The following OSBPL9 variants were observed in gnomAD, a reference collection of about 807,000 sequenced individuals.
OSBPL9 encodes the protein oxysterol-binding protein-related protein 9.
A neutral mutation model predicts 106.6 loss-of-function variants in OSBPL9; 40 were observed. That is an observed-to-expected ratio of 0.38 (90% CI 0.29 to 0.49). The LOEUF is 0.49. Among genes scored for constraint, OSBPL9 ranks in the 20% least tolerant of loss-of-function variants. The pLI, the probability that OSBPL9 is intolerant of heterozygous loss-of-function variation, is 0.97. For synonymous variants in OSBPL9, 269 were observed against 295.4 expected (o/e 0.91, Z 0.92); for missense variants, 609 against 887.2 (o/e 0.69, Z 3.98).
chr1:51,712,267 C>A (rs1370465847), intron 3 of OSBPL9, among the ~76,000 whole-genome samples: 1 of 152,328 alleles, frequency 6.6e-6, no homozygotes, highest in East Asian at 1.9e-4. Flanking sequence ...TCAGGCGTGG[C>A]GGCGCGCGCC....
intron 4 of OSBPL9, among the ~76,000 whole-genome samples, chr1:51,740,897 C>T (rs1306730006): frequency 6.6e-6 from 1 of 152,134 alleles, no homozygotes; most frequent in African/African-American, 2.4e-5. Context: ...TCCTACTCTG[C>T]CTCAGGAATT....
chr1:51,617,338 A>C, intron 1 of OSBPL9, 117 bp downstream of exon 1: 9 of 1,027,768 alleles, frequency 8.8e-6, no homozygotes, highest in Non-Finnish European at 1.2e-5. Context: ...GTGCCGCCGT[A>C]CGCGAGGGTT....
intron 1 of OSBPL9, among the ~76,000 whole-genome samples, chr1:51,580,954 A>C (rs200036106): frequency 6.4e-4 from 2 of 3,124 alleles, no homozygotes; most frequent in South Asian, 0.01. Flanking sequence ...ATATATATAT[A>C]ACTTTTTTGA....
In OSBPL9 at chr1:51,788,681, C is replaced by G. The variant is rs57754968; in HGVS notation, c.*892C>G. ...ATATTGCACATGTAGGGCTGCCTAC[C>G]AACATTTTATCCAAAAATGTTTTAT... On this transcript the variant is annotated 3_prime_UTR_variant, in exon 24 of 24. Coordinates refer to ENST00000428468, the MANE Select transcript of OSBPL9 (RefSeq NM_024586.6). 7.1e-3 allele frequency among the ~76,000 whole-genome samples: 1,084 copies of G among 152,114 alleles called. 10 individuals carry two copies. The highest frequency in any genetic ancestry group is 0.025 in the African/African-American group (1,042 of 41,494).
the OSBPL9 span, among the ~76,000 whole-genome samples, chr1:51,562,637 T>C: frequency 1.3e-5 from 2 of 152,206 alleles, no homozygotes; most frequent in African/African-American, 4.8e-5. Context: ...TTCCCCTTGC[T>C]ACCCAGAGGA....
chr1:51,758,529 G>T (rs781134531), intron 9 of OSBPL9, among the ~76,000 whole-genome samples: 2 of 151,822 alleles, frequency 1.3e-5, no homozygotes, highest in Admixed American at 6.6e-5. Flanking sequence ...GGTCTAATCT[G>T]TTGGGCCCTA....
chr1:51,559,493 C>A, the OSBPL9 span, among the ~76,000 whole-genome samples: 19 of 151,542 alleles, frequency 1.3e-4, no homozygotes, highest in Non-Finnish European at 1.0e-4. Context: ...AGAGACAATG[C>A]TGGAGTTTTA....
intron 4 of OSBPL9, among the ~76,000 whole-genome samples, chr1:51,737,803 G>T (rs1256652427): frequency 6.6e-6 from 1 of 151,918 alleles, no homozygotes; most frequent in East Asian, 1.9e-4. Flanking sequence ...AAGGCAATTT[G>T]CTGGATTCTG....
upstream of OSBPL9, among the ~76,000 whole-genome samples, chr1:51,616,027 T>TTTTG (rs1292732346): frequency 9.7e-4 from 143 of 147,390 alleles, no homozygotes; most frequent in African/African-American, 3.4e-3. Flanking sequence ...TTTTTTTTTT[T>TTTTG]TGTGTGAGAG....
At chr1:51,581,141 C>G (rs916334012) in intron 1 of OSBPL9, among the ~76,000 whole-genome samples, 1 of 150,032 alleles carries the variant, frequency 6.7e-6, no homozygotes. Context: ...CCCAGGTTGG[C>G]CTCAAACTCC....
chr1:51,628,549 A>G (rs574913414), intron 1 of OSBPL9, among the ~76,000 whole-genome samples: 1 of 151,794 alleles, frequency 6.6e-6, no homozygotes, highest in African/African-American at 2.4e-5. Context: ...GCGCCACTGC[A>G]CCCCAGCCTG....
intron 1 of OSBPL9, among the ~76,000 whole-genome samples, chr1:51,634,054 G>A (rs150991979): frequency 6.6e-6 from 1 of 152,206 alleles, no homozygotes; most frequent in Non-Finnish European, 1.5e-5. Flanking sequence ...CTTGGAATTA[G>A]GACTAAGCAT....
chr1:51,760,577 C>T (rs1571603301), intron 9 of OSBPL9, 113 bp from the exon 10 acceptor site: 1 of 1,466,966 alleles, frequency 6.8e-7, no homozygotes, highest in East Asian at 2.4e-5. Context: ...TTTTGATCAA[C>T]ATATCTATAT....
intron 1 of OSBPL9, among the ~76,000 whole-genome samples, chr1:51,636,149 CTT>C (rs1320814022): frequency 8.7e-5 from 10 of 114,786 alleles, no homozygotes; most frequent in Admixed American, 7.4e-4. Flanking sequence ...CTCTCTCTCT[CTT>C]GTTTTTTTTT....
intron 1 of OSBPL9, among the ~76,000 whole-genome samples, chr1:51,584,930 G>A (rs1645239512): frequency 6.6e-6 from 1 of 152,056 alleles, no homozygotes. Flanking sequence ...GGGCATTTGG[G>A]GTTAGATGAG....
upstream of OSBPL9, among the ~76,000 whole-genome samples, chr1:51,573,585 G>A (rs985593169): frequency 1.3e-5 from 2 of 150,532 alleles, no homozygotes; most frequent in Non-Finnish European, 2.9e-5. Context: ...GGAGGCTAAG[G>A]CGGGCAGATC....
chr1:51,632,650 A>G (rs551802954), intron 1 of OSBPL9, among the ~76,000 whole-genome samples: 1 of 118,392 alleles, frequency 8.4e-6, no homozygotes, highest in East Asian at 2.0e-4. Flanking sequence ...CTCAATGGAA[A>G]GCCTGCGATG....
intron 1 of OSBPL9, among the ~76,000 whole-genome samples, chr1:51,580,984 G>A (rs1283872998): frequency 5.1e-5 from 6 of 118,698 alleles, no homozygotes; most frequent in Non-Finnish European, 1.0e-4. Flanking sequence ...TTGCTCTGTT[G>A]CCCAGGCTGG....
chr1:51,636,655 C>T (rs1645469850), intron 1 of OSBPL9, among the ~76,000 whole-genome samples: 1 of 152,000 alleles, frequency 6.6e-6, no homozygotes, highest in African/African-American at 2.4e-5. Flanking sequence ...TCTTACCTTT[C>T]TAAAATTGTG....
Sources: allele counts gnomAD v4.1 joint callset (sites outside exome capture counted in the v4.1 genomes callset), GRCh38; gene constraint gnomAD v4.1.1; transcripts MANE v1.5; gene names NCBI Gene and HGNC (gene_info 2026-07-23, HGNC 2026-07-21).